LRP1B: variants seen among roughly 807,000 people sequenced by gnomAD.
LRP1B encodes low-density lipoprotein receptor-related protein 1B.
A neutral mutation model predicts 556.6 loss-of-function variants in LRP1B; 217 were observed. The observed-to-expected ratio is 0.39, with a 90% CI of 0.35 to 0.44. The LOEUF (loss-of-function observed/expected upper bound fraction) is 0.44, where lower values mean the gene tolerates loss of function less well. Ranked by LOEUF, LRP1B falls within the 20% of genes least tolerant of loss-of-function variation. The pLI is 1.00. For missense variants in LRP1B, 5,053 were observed against 5,620.8 expected (o/e 0.90, Z 3.23); for synonymous variants, 2,047 against 1,865.8 (o/e 1.10, Z -2.50).
chr2:141,092,643 T>C (rs924063586), intron 7 of LRP1B, among the ~76,000 whole-genome samples: 3 of 151,972 alleles, frequency 2.0e-5, no homozygotes, highest in African/African-American at 7.3e-5. Context: ...ATGGATGTAA[T>C]AAAAGAAAAT....
At chr2:141,578,230 C>A (rs1247107340) in intron 2 of LRP1B, among the ~76,000 whole-genome samples, 3 of 151,394 alleles carry the variant, frequency 2.0e-5, no homozygotes, top group Admixed American at 1.3e-4. Flanking sequence ...CCTGCCTCTA[C>A]TAAAAATACA....
Position 140,532,571 on chromosome 2 carries a change from A to G in LRP1B, c.7762+1450T>C, listed in dbSNP as rs190642714. Among the ~76,000 whole-genome samples the G allele has an allele frequency of 1.6e-3, 235 of 151,592 alleles. 1 individual carries two copies. Among genetic ancestry groups the G allele is most frequent in the Non-Finnish European group, 2.7e-3 (181 of 67,852 alleles). On this transcript the variant is annotated intron_variant, in intron 47 of 90. Coordinates refer to ENST00000389484, the MANE Select transcript of LRP1B (RefSeq NM_018557.3). ...GCAACCACGCCTGGCTAATTTTTGTATTTTTAGTCGAGATGGGGTTTCACC... is the reference window on the plus strand; with the variant it reads ...GCAACCACGCCTGGCTAATTTTTGTGTTTTTAGTCGAGATGGGGTTTCACC...
At chr2:140,753,042 C>A (rs1182877661) in intron 35 of LRP1B, among the ~76,000 whole-genome samples, 4 of 152,124 alleles carry the variant, frequency 2.6e-5, no homozygotes, top group Admixed American at 2.6e-4. Flanking sequence ...TAATATCACC[C>A]TTCCCCCATC....
chr2:140,457,911 G>T (rs1346296467), intron 60 of LRP1B, among the ~76,000 whole-genome samples: 1 of 151,916 alleles, frequency 6.6e-6, no homozygotes, highest in African/African-American at 2.4e-5. Flanking sequence ...ATTAAAGCCT[G>T]CTTCACCAGA....
At chr2:140,407,380 C>T (rs1028616715) in intron 66 of LRP1B, among the ~76,000 whole-genome samples, 3 of 151,752 alleles carry the variant, frequency 2.0e-5, no homozygotes, top group Non-Finnish European at 3.0e-5. Context: ...AATAAATAAT[C>T]GGTAAACAGA....
chr2:140,998,400 G>A (rs181064418), intron 15 of LRP1B, among the ~76,000 whole-genome samples: 1 of 151,990 alleles, frequency 6.6e-6, no homozygotes, highest in African/African-American at 2.4e-5. Context: ...TTTTGGGATT[G>A]TTCATGTCTT....
intron 2 of LRP1B, among the ~76,000 whole-genome samples, chr2:141,522,190 G>A (rs1684549923): frequency 6.6e-6 from 1 of 152,200 alleles, no homozygotes. Flanking sequence ...TTTGGACAGT[G>A]GCCGAACAAT....
chr2:141,312,929 C>T (rs1031442995), intron 3 of LRP1B, among the ~76,000 whole-genome samples: 6 of 152,100 alleles, frequency 3.9e-5, no homozygotes, highest in Non-Finnish European at 7.4e-5. Context: ...GATCCACCCA[C>T]CTCGACCTCC....
At chr2:140,251,450 G>A (rs1212175550) in intron 86 of LRP1B, among the ~76,000 whole-genome samples, 1 of 151,852 alleles carries the variant, frequency 6.6e-6, no homozygotes, top group Non-Finnish European at 1.5e-5. Flanking sequence ...GTGGTCTAGA[G>A]TCACCCACTT....
chr2:142,054,270 A>T (rs571173934), intron 1 of LRP1B, among the ~76,000 whole-genome samples: 2 of 152,182 alleles, frequency 1.3e-5, no homozygotes, highest in Non-Finnish European at 2.9e-5. Context: ...AATAAAAACT[A>T]TAATAGTGGG....
intron 2 of LRP1B, among the ~76,000 whole-genome samples, chr2:141,572,688 C>G (rs1686574738): frequency 6.6e-6 from 1 of 152,102 alleles, no homozygotes; most frequent in Non-Finnish European, 1.5e-5. Flanking sequence ...GGAAACCCAT[C>G]TTATGTGCAA....
At chr2:140,408,935 T>C (rs1684858375) in intron 66 of LRP1B, among the ~76,000 whole-genome samples, 1 of 151,964 alleles carries the variant, frequency 6.6e-6, no homozygotes, top group Admixed American at 6.6e-5. Flanking sequence ...GTCAGAAAGA[T>C]AGTCCTATGA....
intron 1 of LRP1B, among the ~76,000 whole-genome samples, chr2:141,893,757 A>C (rs534281857): frequency 6.6e-6 from 1 of 152,292 alleles, no homozygotes; most frequent in Non-Finnish European, 1.5e-5. Flanking sequence ...AAATACACAC[A>C]ACCATTTAAA....
rs1464700803 is a variant in LRP1B at position 140,883,898 on chromosome 2, T to C, written c.4088A>G (p.Lys1363Arg). ...TGTAGTTCTTAGGGAGCCATCTAGT[T>C]TGGCCACTTCGATTTGGTCCAGATT... ...DSNLDQIEVAKLDGSLRTTLI... is the reference protein window; with the variant it reads ...DSNLDQIEVARLDGSLRTTLI... Residue 1363 changes from lysine (K) to arginine (R), a missense_variant, in exon 25 of 91, where the codon AAA (lysine) becomes AGA (arginine). By Grantham distance (26) the Lys-to-Arg change is conservative. Around this residue, in one of 5 missense-constraint regions of LRP1B, gnomAD observed 3,619 missense variants for 3,931.9 expected, o/e 0.92. Transcript: ENST00000389484. The C allele has an allele frequency of 1.2e-6, 2 of 1,613,592 alleles. No homozygotes were observed. The highest frequency in any genetic ancestry group is 1.7e-6 in the Non-Finnish European group (2 of 1,179,876).
At chr2:141,029,031 C>T (rs141351910) in intron 11 of LRP1B, among the ~76,000 whole-genome samples, 592 of 152,126 alleles carry the variant, frequency 3.9e-3, no homozygotes, top group Non-Finnish European at 6.0e-3. Context: ...CAGGCAAAGA[C>T]GTCTAGGACT....
chr2:141,612,759 T>C lies in LRP1B; in HGVS notation c.206-132226A>G, dbSNP rs115284054. ...CCCTTTCGCCTTCGCATCACTCAGT[T>C]TTTCCAAGGCAATAGTGAGAAGGTT... On this transcript the variant is annotated intron_variant, in intron 2 of 90. Transcript: ENST00000389484. 6.7e-3 allele frequency among the ~76,000 whole-genome samples: 1,026 copies of C among 152,254 alleles called. 19 individuals carry two copies. Among genetic ancestry groups the C allele is most frequent in the African/African-American group, 0.023 (960 of 41,546 alleles).
At chr2:140,478,733 A>T (rs1688087508) in intron 59 of LRP1B, among the ~76,000 whole-genome samples, 1 of 152,048 alleles carries the variant, frequency 6.6e-6, no homozygotes, top group South Asian at 2.1e-4. Context: ...AGCCTTCCTG[A>T]GCTTGGATTG....
intron 22 of LRP1B, among the ~76,000 whole-genome samples, chr2:140,903,820 A>G (rs925908421): frequency 1.3e-5 from 2 of 151,926 alleles, no homozygotes; most frequent in East Asian, 3.9e-4. Flanking sequence ...AAAAAAAAAA[A>G]AAAAAGTTGT....
chr2:141,807,683 T>A (rs920537175), intron 2 of LRP1B, among the ~76,000 whole-genome samples: 1 of 152,110 alleles, frequency 6.6e-6, no homozygotes, highest in Non-Finnish European at 1.5e-5. Flanking sequence ...ATTTGAGGCC[T>A]CCATCTGCTA....
Sources: gnomAD v4.1 joint callset for allele counts (sites outside exome capture counted in the v4.1 genomes callset) on GRCh38, gnomAD v4.1.1 for gene constraint, gnomAD v4.1.1 regional missense constraint, MANE v1.5 for transcripts, NCBI Gene and HGNC (gene_info 2026-07-23, HGNC 2026-07-21) for gene names.